The following RABGAP1 variants were observed in gnomAD, a reference collection of about 807,000 sequenced individuals.
The protein encoded by RABGAP1 is RAB GTPase activating protein 1, also known as rab GTPase-activating protein 1.
In RABGAP1, 23 loss-of-function variants were observed where a neutral mutation model predicts 137.6. That is an observed-to-expected ratio of 0.17 (90% CI 0.12 to 0.24). The LOEUF (loss-of-function observed/expected upper bound fraction) is 0.24, where lower values mean the gene tolerates loss of function less well. Ranked by LOEUF, RABGAP1 falls within the 10% of genes least tolerant of loss-of-function variation. RABGAP1 has a pLI of 1.00. For missense variants in RABGAP1, 906 were observed against 1,275.8 expected (o/e 0.71, Z 4.42); for synonymous variants, 451 against 450.7 (o/e 1.00, Z -0.01).
At chr9:123,073,040 G>C (rs893253130) in intron 15 of RABGAP1, among the ~76,000 whole-genome samples, 4 of 152,192 alleles carry the variant, frequency 2.6e-5, no homozygotes, top group Admixed American at 6.5e-5. Flanking sequence ...AATATGTAAG[G>C]TTCTTCTAAA....
upstream of RABGAP1, chr9:122,940,214 TC>T (rs1474758018): frequency 6.6e-6 from 1 of 152,194 alleles, no homozygotes; most frequent in Non-Finnish European, 1.5e-5. Flanking sequence ...TTGTTTTTGT[TC>T]CCAACTGCAT....
intron 13 of RABGAP1, among the ~76,000 whole-genome samples, chr9:123,047,931 T>TC (rs2033285313): frequency 2.8e-5 from 2 of 72,124 alleles, no homozygotes; most frequent in Non-Finnish European, 4.6e-5. Context: ...TTTTTTTTTT[T>TC]TTTTTTTTTT....
At chr9:123,052,619 A>G (rs1247331507) in intron 13 of RABGAP1, among the ~76,000 whole-genome samples, 1 of 152,188 alleles carries the variant, frequency 6.6e-6, no homozygotes, top group East Asian at 1.9e-4. Flanking sequence ...CACTCGTCTG[A>G]GAAAAATGTG....
chr9:122,935,893 T>C (rs976445906), upstream of RABGAP1, among the ~76,000 whole-genome samples: 2 of 152,180 alleles, frequency 1.3e-5, no homozygotes, highest in Non-Finnish European at 2.9e-5. Context: ...TATCAGGGAA[T>C]GTCTTAACTT....
chr9:123,040,718 C>T (rs1309165209), intron 13 of RABGAP1, among the ~76,000 whole-genome samples: 4 of 151,846 alleles, frequency 2.6e-5, no homozygotes, highest in African/African-American at 7.3e-5. Context: ...TTGAGGGAGC[C>T]GCTCATCTTA....
intron 14 of RABGAP1, among the ~76,000 whole-genome samples, chr9:123,069,634 A>T (rs2034289315): frequency 6.6e-6 from 1 of 151,390 alleles, no homozygotes. Context: ...TAATCCCAGT[A>T]CTTTGGGAGT....
chr9:122,988,212 C>G (rs1351751392), intron 4 of RABGAP1, among the ~76,000 whole-genome samples: 1 of 152,172 alleles, frequency 6.6e-6, no homozygotes, highest in African/African-American at 2.4e-5. Flanking sequence ...TTTTACCCCA[C>G]ATTTTTAGAG....
At chr9:122,958,772 G>T (rs1290274968) in intron 2 of RABGAP1, among the ~76,000 whole-genome samples, 1 of 152,134 alleles carries the variant, frequency 6.6e-6, no homozygotes, top group African/African-American at 2.4e-5. Flanking sequence ...GCTTTGGGAG[G>T]CCTTGGCAAA....
At chr9:122,958,452 G>A (rs1038386677) in intron 2 of RABGAP1, among the ~76,000 whole-genome samples, 3 of 152,112 alleles carry the variant, frequency 2.0e-5, no homozygotes, top group Non-Finnish European at 2.9e-5. Context: ...AGTGAACAAC[G>A]TTATGATTGT....
chr9:122,997,950 A>C (rs991822262), intron 9 of RABGAP1, among the ~76,000 whole-genome samples: 2 of 152,180 alleles, frequency 1.3e-5, no homozygotes, highest in African/African-American at 4.8e-5. Context: ...TAAAGGATGT[A>C]AACAGACCAT....
intron 13 of RABGAP1, among the ~76,000 whole-genome samples, chr9:123,028,588 A>C (rs1222883512): frequency 1.3e-5 from 2 of 152,366 alleles, no homozygotes; most frequent in East Asian, 3.9e-4. Flanking sequence ...TACTCAAGGC[A>C]GTTCCATAGA....
chr9:123,091,191 C>T (rs1179673996), intron 21 of RABGAP1, among the ~76,000 whole-genome samples: 1 of 152,144 alleles, frequency 6.6e-6, no homozygotes. Flanking sequence ...TTTAGGTTTC[C>T]CTGCTAGGCT....
intron 13 of RABGAP1, chr9:123,035,206 A>G: frequency 6.2e-7 from 1 of 1,614,088 alleles, no homozygotes; most frequent in Non-Finnish European, 8.5e-7. Context: ...CTATTTCAAC[A>G]TCTTCCGCAT....
At chr9:123,036,750 A>G (rs1190181662) in intron 13 of RABGAP1, among the ~76,000 whole-genome samples, 2 of 151,996 alleles carry the variant, frequency 1.3e-5, no homozygotes, top group East Asian at 3.9e-4. Context: ...AAGGGAAAAC[A>G]CTTAAGTCTC....
At chr9:123,013,982 T>C (rs1167659777) in intron 11 of RABGAP1, among the ~76,000 whole-genome samples, 1 of 152,226 alleles carries the variant, frequency 6.6e-6, no homozygotes, top group Non-Finnish European at 1.5e-5. Flanking sequence ...AACTGTAAAT[T>C]GGTAGAACAT....
At chr9:123,079,197 TTTGTTG>T (rs761293146) in intron 19 of RABGAP1, among the ~76,000 whole-genome samples, 2 of 141,802 alleles carry the variant, frequency 1.4e-5, no homozygotes, top group Non-Finnish European at 3.2e-5. Context: ...TTTGTTTGCT[TTTGTTG>T]TTGTTGTTTG....
intron 16 of RABGAP1, 82 bp downstream of exon 16, chr9:123,073,759 C>T: frequency 6.4e-7 from 1 of 1,567,978 alleles, no homozygotes; most frequent in African/African-American, 1.4e-5. Context: ...TGCCAGGGAG[C>T]ATTGGTAATT....
At chr9:122,953,414 T>G (rs932862826) in intron 1 of RABGAP1, among the ~76,000 whole-genome samples, 3 of 152,036 alleles carry the variant, frequency 2.0e-5, no homozygotes, top group African/African-American at 7.2e-5. Context: ...TCTTTTTTTT[T>G]TTTTTTGAGA....
intron 13 of RABGAP1, among the ~76,000 whole-genome samples, chr9:123,044,371 C>G (rs1010892558): frequency 6.6e-6 from 1 of 152,146 alleles, no homozygotes; most frequent in Non-Finnish European, 1.5e-5. Context: ...AAGCCATTTC[C>G]TATTAATTGT....
Sources: gnomAD v4.1 joint callset for allele counts (sites outside exome capture counted in the v4.1 genomes callset) on GRCh38, gnomAD v4.1.1 for gene constraint, MANE v1.5 for transcripts, NCBI Gene and HGNC (gene_info 2026-07-23, HGNC 2026-07-21) for gene names.